SMTN: variants seen among roughly 807,000 people sequenced by gnomAD.
The protein encoded by SMTN is smoothelin.
Under a neutral mutation model 102.0 loss-of-function variants are expected in SMTN, and 58 were observed. That is an observed-to-expected ratio of 0.57 (90% CI 0.46 to 0.71). SMTN has a LOEUF of 0.71. Ranked by LOEUF, SMTN falls within the 30% of genes least tolerant of loss-of-function variation. The probability of loss-of-function intolerance (pLI) is 0.00; values close to 1 mark genes in which losing one functional copy is unlikely to be tolerated. For synonymous variants in SMTN, 478 were observed against 497.9 expected, an observed-to-expected ratio of 0.96 and a Z score of 0.53; for missense variants, 1,185 against 1,241.7, an observed-to-expected ratio of 0.95 and a Z score of 0.69.
chr22:31,099,300 A>G (rs1055738113), intron 18 of SMTN, 121 bp downstream of exon 18: 1 of 670,184 alleles, frequency 1.5e-6, no homozygotes, highest in Non-Finnish European at 2.5e-6. Context: ...CACAGGGAAC[A>G]TGGAAAGGCT....
At chr22:31,103,267 C>T (rs1314071231) in intron 20 of SMTN, 1 of 152,166 alleles carries the variant, frequency 6.6e-6, no homozygotes, top group Non-Finnish European at 1.5e-5. Context: ...GCCTTCCCTG[C>T]CATAGGAAAC....
At chr22:31,092,255 G>C (rs946050844) in intron 11 of SMTN, among the ~76,000 whole-genome samples, 3 of 152,198 alleles carry the variant, frequency 2.0e-5, no homozygotes, top group Non-Finnish European at 4.4e-5. Flanking sequence ...CCGAGGTATA[G>C]AGCAGCTCAT....
chr22:31,096,751 G>A lies in SMTN; in HGVS notation c.1880G>A (p.Arg627Gln), dbSNP rs370866059. Residue 627 changes from arginine to glutamine, a missense_variant, in exon 14 of 21, where the codon CGG (arginine) becomes CAG (glutamine). Physicochemically the swap from Arg to Gln is conservative, Grantham distance 43. Around this residue, in one of 2 missense-constraint regions of SMTN, gnomAD observed 1,096 missense variants for 1,112.7 expected, o/e 0.98. Coordinates refer to ENST00000333137, the MANE Select transcript of SMTN (RefSeq NM_134269.3). ...TGCCCAGACCAGCGGGACAAGGAGCGGGAACGGCGGCTGCAGGAGGCACGG... is the reference window on the plus strand; with the variant it reads ...TGCCCAGACCAGCGGGACAAGGAGCAGGAACGGCGGCTGCAGGAGGCACGG... Reference protein sequence around the residue: ...QRKRDQRDKERERRLQEARGR... With the variant: ...QRKRDQRDKEQERRLQEARGR... The A allele has an allele frequency of 2.5e-4, 386 of 1,552,254 alleles. No homozygotes were observed. Among genetic ancestry groups the A allele is most frequent in the Non-Finnish European group, 3.2e-4 (368 of 1,153,936 alleles).
At position 31,098,677 on chromosome 22, in the gene SMTN, C is replaced by A; in HGVS notation, c.2170C>A (p.Arg724Ser). The change falls in exon 17 of 21, where the codon CGC becomes AGC. Residue 724 changes from arginine to serine, a missense_variant. Around this residue, in one of 2 missense-constraint regions of SMTN, gnomAD observed 1,096 missense variants for 1,112.7 expected, o/e 0.98. Coordinates refer to ENST00000333137, the MANE Select transcript of SMTN (RefSeq NM_134269.3). ...SSKKMGSIFD[R>S]EDQASPRAGS... ...CTCCCCAACCCCTAGCATCTTCGAC[C>A]GCGAGGACCAGGCCAGCCCACGGGC... The A allele has an allele frequency of 6.2e-7, 1 of 1,613,358 alleles. No homozygotes were observed. The highest frequency in any genetic ancestry group is 8.5e-7 in the Non-Finnish European group (1 of 1,179,822).
intron 2 of SMTN, among the ~76,000 whole-genome samples, chr22:31,086,360 G>A (rs578006898): frequency 6.6e-6 from 1 of 152,184 alleles, no homozygotes; most frequent in Non-Finnish European, 1.5e-5. Flanking sequence ...GTCCTCCCTG[G>A]ACTTCAATCT....
In SMTN at chr22:31,090,847, T is replaced by G; in HGVS notation, c.905T>G (p.Val302Gly). The change falls in exon 9 of 21, where the codon GTG (valine) becomes GGG (glycine). Residue 302 changes from valine to glycine, a missense_variant. Coordinates refer to ENST00000333137, the MANE Select transcript of SMTN (RefSeq NM_134269.3). ...GPRPCQRSLSVLSPRQPAQNR... is the reference protein window; with the variant it reads ...GPRPCQRSLSGLSPRQPAQNR... ...CGACCCTGCCAACGCTCCCTGTCGG[T>G]GCTCAGCCCCCGCCAACCAGCCCAG... 1.2e-6 allele frequency: 2 copies of G among 1,613,812 alleles called. No individual in the cohort carries two copies. Among genetic ancestry groups the G allele is most frequent in the Non-Finnish European group, 1.7e-6 (2 of 1,179,892 alleles).
In SMTN at chr22:31,100,889, C is replaced by T. The variant is rs756955233; in HGVS notation, c.2608C>T (p.His870Tyr). The part of the protein sequence containing the change: ...FEVAFSSAET[H>Y]ADCPQLLDTE... The stretch of plus-strand genomic sequence containing the variant: ...CCGGCCCCCTACCCTCCCCAGGACC[C>T]ATGCGGACTGCCCGCAGCTCCTGGA... The change falls in exon 20 of 21, where the codon CAT becomes TAT. Residue 870 changes from histidine (H) to tyrosine (Y), a missense_variant. His to Tyr is a moderately conservative substitution (Grantham distance 83, BLOSUM62 2). Transcript: ENST00000333137. 6.3e-7 allele frequency: 1 copy of T among 1,595,724 alleles called. No individual in the cohort carries two copies. The highest frequency in any genetic ancestry group is 1.1e-5 in the South Asian group (1 of 88,878).
intron 1 of SMTN, chr22:31,082,796 G>A (rs1451505271): frequency 6.3e-6 from 9 of 1,437,996 alleles, no homozygotes; most frequent in Non-Finnish European, 8.3e-6. Flanking sequence ...GTGGATGGGT[G>A]GGTGGGGCAG....
chr22:31,103,018 G>A (rs2147833452), intron 20 of SMTN: 1 of 152,360 alleles, frequency 6.6e-6, no homozygotes, highest in East Asian at 1.9e-4. Context: ...TCTAAAGAGG[G>A]GGAAACAGTC....
At chr22:31,085,864 G>A (rs1171780602) in intron 2 of SMTN, among the ~76,000 whole-genome samples, 2 of 152,220 alleles carry the variant, frequency 1.3e-5, no homozygotes, top group Admixed American at 1.3e-4. Flanking sequence ...TTCCAGATGG[G>A]GACACTGAAG....
intron 8 of SMTN, among the ~76,000 whole-genome samples, 199 bp from the exon 9 acceptor site, chr22:31,090,608 TG>T (rs1339718308): frequency 2.6e-5 from 4 of 151,852 alleles, no homozygotes; most frequent in African/African-American, 9.7e-5. Context: ...AGGAGGTGCC[TG>T]TAGGAGAGAT....
chr22:31,084,896 G>T, intron 2 of SMTN: 1 of 1,217,750 alleles, frequency 8.2e-7, no homozygotes. Context: ...GGCCCCCGCT[G>T]GCCTCGTGGC....
At chr22:31,098,374 A>T (rs1056827566) in intron 16 of SMTN, among the ~76,000 whole-genome samples, 1 of 151,660 alleles carries the variant, frequency 6.6e-6, no homozygotes, top group Non-Finnish European at 1.5e-5. Flanking sequence ...ATTATCGGAT[A>T]GTGCCCAGAA....
rs41282557 is a variant in SMTN at position 31,091,815 on chromosome 22, C to T, written c.1600C>T (p.Pro534Ser). The T allele has an allele frequency of 7.5e-6, 12 of 1,602,920 alleles. No individual in the cohort carries two copies. In the South Asian group the frequency reaches 8.9e-5, roughly 12 times the overall value. The change falls in exon 11 of 21, where the codon CCC becomes TCC. Residue 534 changes from proline to serine, a missense_variant. By Grantham distance (74) the Pro-to-Ser change is moderately conservative (BLOSUM62 -1). Coordinates refer to ENST00000333137, the MANE Select transcript of SMTN (RefSeq NM_134269.3). ...VTHVTSFSHA[P>S]PSSRGGCSIK... ...TCATGTCACCAGCTTCAGCCATGCC[C>T]CCCCCAGTAGCCGAGGAGGCTGCAG...
Position 31,091,704 on chromosome 22 carries a change from A to G in SMTN, c.1489A>G (p.Thr497Ala), listed in dbSNP as rs774445303. The change falls in exon 11 of 21, where the codon ACC (threonine) becomes GCC (alanine). Residue 497 changes from threonine (T) to alanine (A), a missense_variant. Around this residue, in one of 2 missense-constraint regions of SMTN, gnomAD observed 1,096 missense variants for 1,112.7 expected, o/e 0.98. Transcript: ENST00000333137. ...GACACTGGGGCTGCGGGCGCCCCCG[A>G]CCCTACTCAGCACCAGTAGTGGGGG... ...ELTLGLRAPP[T>A]LLSTSSGGKS... is the part of the protein sequence containing the mutation. 2 of 1,608,522 alleles carry G rather than the reference A, an allele frequency of 1.2e-6. No homozygotes were observed. Among genetic ancestry groups the G allele is most frequent in the Admixed American group, 1.7e-5 (1 of 59,692 alleles).
chr22:31,085,349 T>C, intron 2 of SMTN: 12 of 1,395,766 alleles, frequency 8.6e-6, no homozygotes, highest in Non-Finnish European at 1.1e-5. Context: ...CCTGCGGGCC[T>C]TCAGCGCCCC....
Position 31,104,332 on chromosome 22 carries a change from G to A in SMTN, c.*37G>A, listed in dbSNP as rs1423418512. 4 of 1,614,218 alleles carry A rather than the reference G, an allele frequency of 2.5e-6. No homozygotes were observed. Among genetic ancestry groups the A allele is most frequent in the Non-Finnish European group, 2.5e-6 (3 of 1,180,034 alleles). On this transcript the variant is annotated 3_prime_UTR_variant, in exon 21 of 21. Transcript: ENST00000333137. The stretch of plus-strand genomic sequence containing the variant: ...TCCCTGCAGGATGCTGGTGGACTGT[G>A]TGCCCCTGGTGGAGGTGGACGACAT...
intron 2 of SMTN, among the ~76,000 whole-genome samples, chr22:31,083,732 T>G (rs905632776): frequency 1.1e-4 from 17 of 152,138 alleles, no homozygotes; most frequent in African/African-American, 4.1e-4. Context: ...GGGTATACCA[T>G]GTCACAGAAT....
chr22:31,077,926 AGGAG>A (rs1398906053), upstream of SMTN, among the ~76,000 whole-genome samples: 2 of 152,170 alleles, frequency 1.3e-5, no homozygotes, highest in Non-Finnish European at 2.9e-5. Flanking sequence ...TCTGCACATA[AGGAG>A]GAAGGTCATA....
Sources: allele counts gnomAD v4.1 joint callset (sites outside exome capture counted in the v4.1 genomes callset), GRCh38; gene constraint gnomAD v4.1.1; regional missense constraint gnomAD v4.1.1; transcripts MANE v1.5; gene names NCBI Gene and HGNC (gene_info 2026-07-23, HGNC 2026-07-21).